Variants in AGAP1 observed in about 807,000 individuals in gnomAD.
AGAP1 encodes arf-GAP with GTPase, ANK repeat and PH domain-containing protein 1.
In AGAP1, 29 loss-of-function variants were observed where a neutral mutation model predicts 105.3. The observed-to-expected ratio is 0.28, with a 90% CI of 0.21 to 0.38. The LOEUF (loss-of-function observed/expected upper bound fraction) is 0.38. Ranked by LOEUF, AGAP1 falls within the 10% of genes least tolerant of loss-of-function variation. The pLI, the probability that AGAP1 is intolerant of heterozygous loss-of-function variation, is 1.00. For missense variants in AGAP1, 998 were observed against 1,165.1 expected (o/e 0.86, Z 2.09); for synonymous variants, 509 against 485.9 (o/e 1.05, Z -0.63).
rs1212612388 is a variant in AGAP1 at position 235,958,463 on chromosome 2, G to A, written c.1484-9999G>A. Among the ~76,000 whole-genome samples the A allele has an allele frequency of 1.1e-4, 16 of 152,070 alleles. No homozygotes were observed. The highest frequency in any genetic ancestry group is 1.0e-3 in the Admixed American group (16 of 15,268). On this transcript the variant is annotated intron_variant, in intron 12 of 17. Transcript: ENST00000304032. This position sits in a 1 kb window ranked among gnomAD's most constrained non-coding sequence, Gnocchi z 4.1. ...ACCCTCGGGAGCGCGAGGGATATGAGAATCACAAGCACAGAGACTCATCTC... is the reference window on the plus strand; with the variant it reads ...ACCCTCGGGAGCGCGAGGGATATGAAAATCACAAGCACAGAGACTCATCTC...
chr2:235,645,932 C>T (rs1049498402), intron 1 of AGAP1, among the ~76,000 whole-genome samples: 2 of 152,122 alleles, frequency 1.3e-5, no homozygotes, highest in African/African-American at 2.4e-5. Context: ...ACAATTTCCC[C>T]AACCCAGAAG....
chr2:235,681,843 C>CTTTTTT (rs56934868), intron 1 of AGAP1, among the ~76,000 whole-genome samples: 13 of 78,302 alleles, frequency 1.7e-4, no homozygotes, highest in East Asian at 4.5e-4. Context: ...ATTTAGTTTG[C>CTTTTTT]TTTTTTTTTT....
At position 236,083,862 on chromosome 2, in the gene AGAP1, G is replaced by A. The variant is rs1251522642; in HGVS notation, c.2114+34581G>A. Among the ~76,000 whole-genome samples the A allele has an allele frequency of 2.6e-5, 4 of 152,188 alleles. No individual in the cohort carries two copies. Among genetic ancestry groups the A allele is most frequent in the Admixed American group, 2.0e-4 (3 of 15,278 alleles). ...GCTCTGCCCTCAATTAAATGAATCCGAGATAAATGGGCATGTGCGTGTGTA... is the reference window on the plus strand; with the variant it reads ...GCTCTGCCCTCAATTAAATGAATCCAAGATAAATGGGCATGTGCGTGTGTA... On this transcript the variant is annotated intron_variant, in intron 16 of 17. Transcript: ENST00000304032. The surrounding 1 kb of genome is among the most constrained non-coding windows in gnomAD (Gnocchi z 5.3).
intron 9 of AGAP1, among the ~76,000 whole-genome samples, chr2:235,839,789 G>C (rs1960595783): frequency 1.3e-5 from 2 of 152,216 alleles, no homozygotes; most frequent in African/African-American, 2.4e-5. Context: ...AACAGGAGGA[G>C]TACTTGCCTT....
intron 11 of AGAP1, among the ~76,000 whole-genome samples, chr2:235,914,644 C>T (rs1272604073): frequency 6.6e-6 from 1 of 152,200 alleles, no homozygotes; most frequent in African/African-American, 2.4e-5. Flanking sequence ...GAGGAAGAAA[C>T]ACGCACTGTC....
At chr2:235,547,858 A>G (rs1349488181) in intron 1 of AGAP1, among the ~76,000 whole-genome samples, 2 of 152,310 alleles carry the variant, frequency 1.3e-5, no homozygotes, top group South Asian at 4.1e-4. Context: ...TGAATTTGCA[A>G]ATGCCAGGGT....
intron 1 of AGAP1, among the ~76,000 whole-genome samples, chr2:235,544,440 C>T (rs942949328): frequency 5.9e-5 from 9 of 152,232 alleles, no homozygotes; most frequent in African/African-American, 2.2e-4. Context: ...TCTTTGGGGC[C>T]TCAGCGGTCC....
In AGAP1 at chr2:235,740,652, C is replaced by T. The variant is rs1276261456; in HGVS notation, c.311-311C>T. Among the ~76,000 whole-genome samples, 1 of 152,208 alleles carries T rather than the reference C, an allele frequency of 6.6e-6. No homozygotes were observed. Among genetic ancestry groups the T allele is most frequent in the African/African-American group, 2.4e-5 (1 of 41,446 alleles). ...GACAATTTTAATGTTCTCTGTTTCC[C>T]AGTGAGTGAGAATTCCTGAATTTAC... On this transcript the variant is annotated intron_variant, in intron 3 of 17. Transcript: ENST00000304032. The surrounding 1 kb of genome is among the most constrained non-coding windows in gnomAD (Gnocchi z 5.7).
intron 2 of AGAP1, among the ~76,000 whole-genome samples, chr2:235,710,866 T>A (rs987366437): frequency 6.6e-6 from 1 of 152,170 alleles, no homozygotes; most frequent in South Asian, 2.1e-4. Context: ...GTGGTGATGG[T>A]GTGGATACAG....
At position 235,963,250 on chromosome 2, in the gene AGAP1, T is replaced by C. The variant is rs897850456; in HGVS notation, c.1484-5212T>C. Among the ~76,000 whole-genome samples, 3 of 152,128 alleles carry C rather than the reference T, an allele frequency of 2.0e-5. No homozygotes were observed. The highest frequency in any genetic ancestry group is 7.2e-5 in the African/African-American group (3 of 41,446). On this transcript the variant is annotated intron_variant, in intron 12 of 17. Coordinates refer to ENST00000304032, the MANE Select transcript of AGAP1 (RefSeq NM_001037131.3). This position sits in a 1 kb window ranked among gnomAD's most constrained non-coding sequence, Gnocchi z 5.1. ...GAGGGCCCTGTCCCTGTCAACTGTT[T>C]TGCAAAAAGTTTTCTACAGCTAAAA...
rs1944952824 is a variant in AGAP1, at chr2:235,582,131, C to T, written c.163+87282C>T. ...ATGCTATGGGGCTGTCTGCTCTATA[C>T]GAGGAGCAGAGACCCCTGGATCCTA... On this transcript the variant is annotated intron_variant, in intron 1 of 17. Transcript: ENST00000304032. This position sits in a 1 kb window ranked among gnomAD's most constrained non-coding sequence, Gnocchi z 4.7. Among the ~76,000 whole-genome samples, 1 of 152,110 alleles carries T rather than the reference C, an allele frequency of 6.6e-6. No individual in the cohort carries two copies. Among genetic ancestry groups the T allele is most frequent in the Non-Finnish European group, 1.5e-5 (1 of 68,020 alleles).
intron 9 of AGAP1, among the ~76,000 whole-genome samples, chr2:235,841,355 A>G (rs1370657160): frequency 2.0e-5 from 3 of 152,186 alleles, no homozygotes; most frequent in Non-Finnish European, 4.4e-5. Context: ...TACGGGCCTG[A>G]TGCGGTGGCT....
intron 11 of AGAP1, among the ~76,000 whole-genome samples, chr2:235,929,449 C>T (rs2052613128): frequency 1.3e-5 from 2 of 152,148 alleles, no homozygotes; most frequent in Non-Finnish European, 2.9e-5. Flanking sequence ...AATAATTTCC[C>T]TTATGACGTT....
chr2:235,852,798 C>T (rs747323096), intron 9 of AGAP1: 57 of 1,530,342 alleles, frequency 3.7e-5, no homozygotes, highest in African/African-American at 2.6e-4. Context: ...CAGACCAGCC[C>T]GCATTGTGCT....
chr2:235,838,308 A>G (rs1379296826), intron 9 of AGAP1, among the ~76,000 whole-genome samples: 3 of 152,196 alleles, frequency 2.0e-5, no homozygotes, highest in South Asian at 4.1e-4. Context: ...CACTATTGAT[A>G]AATAACAGGC....
Position 235,642,966 on chromosome 2 carries a change from G to A in AGAP1, c.164-66213G>A, listed in dbSNP as rs773379786. Among the ~76,000 whole-genome samples, 1 of 152,138 alleles carries A rather than the reference G, an allele frequency of 6.6e-6. No homozygotes were observed. Among genetic ancestry groups the A allele is most frequent in the South Asian group, 2.1e-4 (1 of 4,822 alleles). On this transcript the variant is annotated intron_variant, in intron 1 of 17. Coordinates refer to ENST00000304032, the MANE Select transcript of AGAP1 (RefSeq NM_001037131.3). The surrounding 1 kb of genome is among the most constrained non-coding windows in gnomAD (Gnocchi z 4.1). Reference sequence around the variant, plus strand: ...GTGGGGACCTGGCAAGGTACCGAACGGTGGAGGTGACTGTAGGATTAGCCC... The same window carrying A: ...GTGGGGACCTGGCAAGGTACCGAACAGTGGAGGTGACTGTAGGATTAGCCC...
rs1018764235 is a variant in AGAP1, at chr2:235,551,529, G to T, written c.163+56680G>T. Reference sequence around the variant, plus strand: ...ACTCAGATTGGTCTCTAACTCCTGGGCTCAAGGGATACACCTACCTCAGCC... The same window carrying T: ...ACTCAGATTGGTCTCTAACTCCTGGTCTCAAGGGATACACCTACCTCAGCC... On this transcript the variant is annotated intron_variant, in intron 1 of 17. Coordinates refer to ENST00000304032, the MANE Select transcript of AGAP1 (RefSeq NM_001037131.3). The surrounding 1 kb of genome is among the most constrained non-coding windows in gnomAD (Gnocchi z 4.8). Among the ~76,000 whole-genome samples the T allele has an allele frequency of 6.6e-6, 1 of 152,044 alleles. No individual in the cohort carries two copies. Among genetic ancestry groups the T allele is most frequent in the Admixed American group, 6.5e-5 (1 of 15,268 alleles).
rs891257347 is a variant in AGAP1 at position 235,596,375 on chromosome 2, A to C, written c.163+101526A>C. On this transcript the variant is annotated intron_variant, in intron 1 of 17. Coordinates refer to ENST00000304032, the MANE Select transcript of AGAP1 (RefSeq NM_001037131.3). The surrounding 1 kb of genome is among the most constrained non-coding windows in gnomAD (Gnocchi z 5.9). ...CCAAGGACCTTGAGGACAGGAGTCTACCTGGGGAGGGGCATCCCAGAGACT... is the reference window on the plus strand; with the variant it reads ...CCAAGGACCTTGAGGACAGGAGTCTCCCTGGGGAGGGGCATCCCAGAGACT... Among the ~76,000 whole-genome samples, 4 of 152,206 alleles carry C rather than the reference A, an allele frequency of 2.6e-5. No individual in the cohort carries two copies. Among genetic ancestry groups the C allele is most frequent in the Non-Finnish European group, 5.9e-5 (4 of 68,036 alleles).
chr2:235,785,146 T>A (rs1956544335), intron 6 of AGAP1, among the ~76,000 whole-genome samples: 1 of 152,198 alleles, frequency 6.6e-6, no homozygotes, highest in African/African-American at 2.4e-5. Flanking sequence ...GAAAATGTCT[T>A]TTTTATGTAG....
Sources: allele counts gnomAD v4.1 joint callset (sites outside exome capture counted in the v4.1 genomes callset), GRCh38; gene constraint gnomAD v4.1.1; non-coding constraint Gnocchi (gnomAD v3.1); transcripts MANE v1.5; gene names NCBI Gene and HGNC (gene_info 2026-07-23, HGNC 2026-07-21).